ACTN4: variants seen among roughly 807,000 people sequenced by gnomAD.
The protein encoded by ACTN4 is actinin alpha 4.
A neutral mutation model predicts 114.2 loss-of-function variants in ACTN4; 18 were observed. The ratio of observed to expected loss-of-function variants is 0.16; its 90% CI spans 0.11 to 0.23. The LOEUF (loss-of-function observed/expected upper bound fraction) is 0.23, where lower values mean the gene tolerates loss of function less well. Ranked by LOEUF, ACTN4 falls within the 10% of genes least tolerant of loss-of-function variation. The probability of loss-of-function intolerance (pLI) is 1.00; values close to 1 mark genes in which losing one functional copy is unlikely to be tolerated. For missense variants in ACTN4, 722 were observed against 1,262.9 expected, an observed-to-expected ratio of 0.57 and a Z score of 6.49; for synonymous variants, 515 against 506.3, an observed-to-expected ratio of 1.02 and a Z score of -0.23.
In ACTN4 at chr19:38,729,920, CCT is replaced by C. The variant is rs996100633; in HGVS notation, c.*493_*494del. The C allele has an allele frequency of 3.1e-5, 11 of 349,918 alleles. No homozygotes were observed. Among genetic ancestry groups the C allele is most frequent in the African/African-American group, 1.7e-4 (8 of 46,530 alleles). The allele number at this position is 349,918 out of a possible 1,614,324, so 21.7% of individuals were successfully genotyped here. On this transcript the variant is annotated 3_prime_UTR_variant, in exon 21 of 21. Transcript: ENST00000252699. The stretch of plus-strand genomic sequence containing the variant: ...CTGGGGACCCACCCAGCCCCTCTCC[CCT>C]CTCTGCTCCAGACTCACTTGCCATT...
At chr19:38,657,039 A>G (rs1357185534) in intron 1 of ACTN4, among the ~76,000 whole-genome samples, 2 of 150,982 alleles carry the variant, frequency 1.3e-5, no homozygotes, top group African/African-American at 4.9e-5. Context: ...GCAGTGGCCT[A>G]ATCATAACTC....
At chr19:38,710,399 C>T in intron 8 of ACTN4, 57 bp downstream of exon 8, 1 of 1,551,482 alleles carries the variant, frequency 6.4e-7, no homozygotes, top group Admixed American at 1.7e-5. Context: ...GCCGCCGCTG[C>T]CTCTCGCCTC....
In ACTN4 at chr19:38,658,080, G is replaced by C. The variant is rs76220083; in HGVS notation, c.162+10173G>C. ...GGCAGAAAAAAAGATCCTGCCACTT[G>C]GTATCACAGGAAAATACCTACAGGC... On this transcript the variant is annotated intron_variant, in intron 1 of 20. Coordinates refer to ENST00000252699, the MANE Select transcript of ACTN4 (RefSeq NM_004924.6). Among the ~76,000 whole-genome samples the C allele has an allele frequency of 2.3e-3, 353 of 152,274 alleles. 1 individual carries two copies. Among genetic ancestry groups the C allele is most frequent in the African/African-American group, 8.0e-3 (333 of 41,540 alleles).
At chr19:38,720,156 GC>G (rs1364578840) in intron 11 of ACTN4, among the ~76,000 whole-genome samples, 1 of 152,182 alleles carries the variant, frequency 6.6e-6, no homozygotes, top group Non-Finnish European at 1.5e-5. Context: ...GGGTGGGTGG[GC>G]CACCTTCACT....
chr19:38,713,824 T>A (rs564708936), intron 8 of ACTN4, among the ~76,000 whole-genome samples: 1 of 151,958 alleles, frequency 6.6e-6, no homozygotes, highest in South Asian at 2.1e-4. Flanking sequence ...ACCCCCTGCC[T>A]CCTCTACACT....
chr19:38,651,209 T>C (rs1976552169), intron 1 of ACTN4, among the ~76,000 whole-genome samples: 1 of 152,250 alleles, frequency 6.6e-6, no homozygotes, highest in African/African-American at 2.4e-5. Flanking sequence ...GTGGGTAGAA[T>C]TGAATTCTTC....
chr19:38,720,390 C>T (rs1968999981), intron 11 of ACTN4, among the ~76,000 whole-genome samples: 1 of 152,256 alleles, frequency 6.6e-6, no homozygotes, highest in African/African-American at 2.4e-5. Context: ...GGAGATGTCA[C>T]CTGCTGTTTC....
At chr19:38,675,276 C>T (rs781049196) in intron 1 of ACTN4, among the ~76,000 whole-genome samples, 1 of 152,190 alleles carries the variant, frequency 6.6e-6, no homozygotes, top group Non-Finnish European at 1.5e-5. Flanking sequence ...TTGGGTGTTG[C>T]TTTCTTGGTT....
chr19:38,712,555 G>A (rs1005872205), intron 8 of ACTN4, among the ~76,000 whole-genome samples: 1 of 152,094 alleles, frequency 6.6e-6, no homozygotes, highest in African/African-American at 2.4e-5. Context: ...CCAGCCTCGG[G>A]CCAGAAAGGC....
chr19:38,682,478 C>G (rs1967608196), intron 1 of ACTN4, among the ~76,000 whole-genome samples: 1 of 152,150 alleles, frequency 6.6e-6, no homozygotes, highest in Non-Finnish European at 1.5e-5. Context: ...GCCACCATAC[C>G]TGGCCCTGTA....
intron 1 of ACTN4, among the ~76,000 whole-genome samples, chr19:38,680,957 C>T (rs1375305922): frequency 1.3e-5 from 2 of 151,844 alleles, no homozygotes; most frequent in Non-Finnish European, 2.9e-5. Context: ...GAAACCCCGT[C>T]TCTACTAAAA....
intron 1 of ACTN4, among the ~76,000 whole-genome samples, chr19:38,691,828 G>A (rs796459896): frequency 5.3e-5 from 8 of 152,164 alleles, no homozygotes; most frequent in African/African-American, 1.9e-4. Flanking sequence ...ACTTGAACCC[G>A]GGAGGTGGAG....
intron 3 of ACTN4, among the ~76,000 whole-genome samples, chr19:38,702,842 G>T (rs1410857038): frequency 6.6e-6 from 1 of 152,160 alleles, no homozygotes; most frequent in East Asian, 1.9e-4. Flanking sequence ...TCTTCTCTGT[G>T]ACCTCTCCAC....
chr19:38,705,707 G>A (rs1968436354), intron 4 of ACTN4, among the ~76,000 whole-genome samples: 1 of 152,254 alleles, frequency 6.6e-6, no homozygotes, highest in Non-Finnish European at 1.5e-5. Flanking sequence ...GTGTGTTCTG[G>A]TGGTGAAAGG....
At chr19:38,652,538 T>C (rs1976595800) in intron 1 of ACTN4, among the ~76,000 whole-genome samples, 1 of 152,118 alleles carries the variant, frequency 6.6e-6, no homozygotes, top group African/African-American at 2.4e-5. Flanking sequence ...CTCTGCCTTT[T>C]GAAACACCCT....
At chr19:38,659,879 A>G (rs545561735) in intron 1 of ACTN4, among the ~76,000 whole-genome samples, 78 of 150,878 alleles carry the variant, frequency 5.2e-4, no homozygotes, top group African/African-American at 1.9e-3. Context: ...AGGAAATCAG[A>G]TGATCAAATG....
At chr19:38,710,134 AC>A in intron 7 of ACTN4, 122 bp from the exon 8 acceptor site, 1 of 985,078 alleles carries the variant, frequency 1.0e-6, no homozygotes, top group Non-Finnish European at 1.6e-6. Context: ...CACCCAAGTC[AC>A]GCGTCACTCT....
chr19:38,682,465 T>C (rs1967607914), intron 1 of ACTN4, among the ~76,000 whole-genome samples: 1 of 152,142 alleles, frequency 6.6e-6, no homozygotes. Flanking sequence ...ATTAGAGGTG[T>C]GAGCCACCAT....
At chr19:38,660,802 T>A (rs1976862049) in intron 1 of ACTN4, among the ~76,000 whole-genome samples, 1 of 152,178 alleles carries the variant, frequency 6.6e-6, no homozygotes. Flanking sequence ...TGCCAGGATT[T>A]GAATGTAGAA....
Sources: gnomAD v4.1 joint callset for allele counts (sites outside exome capture counted in the v4.1 genomes callset) on GRCh38, gnomAD v4.1.1 for gene constraint, MANE v1.5 for transcripts, NCBI Gene and HGNC (gene_info 2026-07-23, HGNC 2026-07-21) for gene names.